The following PHF21B variants were observed in gnomAD, a reference collection of about 807,000 sequenced individuals.
The protein encoded by PHF21B is PHD finger protein 4.
A neutral mutation model predicts 62.2 loss-of-function variants in PHF21B; 22 were observed. That is an observed-to-expected ratio of 0.35 (90% CI 0.25 to 0.51). The LOEUF (loss-of-function observed/expected upper bound fraction) is 0.51. Among genes scored for constraint, PHF21B ranks in the 20% least tolerant of loss-of-function variants. The pLI is 0.97. For synonymous variants in PHF21B, 341 were observed against 314.7 expected (o/e 1.08, Z -0.88); for missense variants, 701 against 707.9 (o/e 0.99, Z 0.11).
intron 5 of PHF21B, among the ~76,000 whole-genome samples, chr22:44,908,464 C>T (rs1340426144): frequency 6.6e-6 from 1 of 152,134 alleles, no homozygotes; most frequent in Non-Finnish European, 1.5e-5. Flanking sequence ...GCATGGGTCA[C>T]TCTGGGACAC....
At chr22:44,981,944 G>A (rs991986015) in intron 2 of PHF21B, among the ~76,000 whole-genome samples, 23 of 152,252 alleles carry the variant, frequency 1.5e-4, no homozygotes, top group African/African-American at 5.5e-4. Context: ...TGAGAAAGGG[G>A]CTCGTGCCAC....
chr22:45,002,626 C>T (rs2073240292), intron 2 of PHF21B, among the ~76,000 whole-genome samples: 1 of 152,220 alleles, frequency 6.6e-6, no homozygotes, highest in Admixed American at 6.5e-5. Context: ...CTTGGGGAAC[C>T]CAGGCATCCT....
intron 2 of PHF21B, among the ~76,000 whole-genome samples, chr22:44,999,692 C>A (rs1016607260): frequency 2.6e-5 from 4 of 152,144 alleles, no homozygotes; most frequent in African/African-American, 9.7e-5. Flanking sequence ...TCTCCCCCTA[C>A]ACGTGCCAGT....
At chr22:44,901,170 G>C (rs1051531214) in intron 5 of PHF21B, among the ~76,000 whole-genome samples, 2 of 152,204 alleles carry the variant, frequency 1.3e-5, no homozygotes, top group African/African-American at 4.8e-5. Flanking sequence ...GCAGTCTGGT[G>C]CCACCTGGTT....
In PHF21B at chr22:45,000,486, G is replaced by A. The variant is rs149921725; in HGVS notation, c.120+8059C>T. On this transcript the variant is annotated intron_variant, in intron 2 of 12. Transcript: ENST00000313237. ...CGGTTCCTGAAGAGACAAAGGCGTT[G>A]GAGGAAAAACTTGGTAAATCACAAG... 136 of 152,296 alleles carry A rather than the reference G, an allele frequency of 8.9e-4. 1 individual carries two copies. The highest frequency in any genetic ancestry group is 3.1e-3 in the African/African-American group (127 of 41,562). 9.4% of individuals were successfully genotyped at this position (152,296 alleles called of 1,614,324 possible).
At chr22:44,897,514 A>G (rs1297722593) in intron 5 of PHF21B, among the ~76,000 whole-genome samples, 1 of 152,160 alleles carries the variant, frequency 6.6e-6, no homozygotes, top group East Asian at 1.9e-4. Context: ...ACCACGCTGT[A>G]GGAAGAACAA....
chr22:44,958,135 T>C (rs959978170), intron 2 of PHF21B, among the ~76,000 whole-genome samples: 1 of 152,172 alleles, frequency 6.6e-6, no homozygotes. Context: ...ACTCCCGACC[T>C]CAGGTGATCT....
intron 2 of PHF21B, among the ~76,000 whole-genome samples, chr22:44,972,141 C>G (rs893555531): frequency 2.8e-4 from 42 of 152,252 alleles, no homozygotes; most frequent in Non-Finnish European, 2.9e-5. Flanking sequence ...CAGTAGAAAA[C>G]ATGAATGAGA....
chr22:44,924,540 GA>G (rs1249174854), intron 2 of PHF21B, among the ~76,000 whole-genome samples: 2 of 152,172 alleles, frequency 1.3e-5, no homozygotes, highest in East Asian at 1.9e-4. Flanking sequence ...GAAGAGACAC[GA>G]GGGAGTTTGT....
At chr22:44,910,028 T>C (rs904249892) in intron 5 of PHF21B, among the ~76,000 whole-genome samples, 5 of 152,182 alleles carry the variant, frequency 3.3e-5, no homozygotes, top group Non-Finnish European at 7.3e-5. Flanking sequence ...CATCCTGATG[T>C]CCCTAGCCTT....
intron 6 of PHF21B, among the ~76,000 whole-genome samples, chr22:44,894,649 T>C (rs1441672861): frequency 1.3e-5 from 2 of 152,198 alleles, no homozygotes; most frequent in Non-Finnish European, 2.9e-5. Flanking sequence ...CTTCCAACCA[T>C]GCACGCAGAA....
At chr22:44,991,943 A>C (rs536165635) in intron 2 of PHF21B, among the ~76,000 whole-genome samples, 2 of 152,340 alleles carry the variant, frequency 1.3e-5, no homozygotes, top group South Asian at 4.1e-4. Context: ...CAGCTTTTTT[A>C]ATGAAGCTGT....
At chr22:44,943,641 T>A (rs1297668930) in intron 2 of PHF21B, among the ~76,000 whole-genome samples, 1 of 152,114 alleles carries the variant, frequency 6.6e-6, no homozygotes, top group Non-Finnish European at 1.5e-5. Flanking sequence ...TCCCACCCCC[T>A]TTGTAAAGCA....
At chr22:44,917,741 C>G (rs1158644360) in intron 3 of PHF21B, among the ~76,000 whole-genome samples, 1 of 152,254 alleles carries the variant, frequency 6.6e-6, no homozygotes. Flanking sequence ...CGCCCATCTC[C>G]TCCCACCCTG....
intron 2 of PHF21B, among the ~76,000 whole-genome samples, chr22:44,983,378 G>T (rs1874992973): frequency 6.6e-6 from 1 of 152,168 alleles, no homozygotes; most frequent in Admixed American, 6.5e-5. Flanking sequence ...TCTTAGGGAG[G>T]TCCAGCTGTC....
rs199995940 is a variant in PHF21B at position 44,975,015 on chromosome 22, GTC to G, written c.120+33528_120+33529del. ...AGAATCCTCAGACATCCTCCTGTCG[GTC>G]TCTGTCTCTCCTCCAGCATGGAGCC... On this transcript the variant is annotated intron_variant, in intron 2 of 12. Coordinates refer to ENST00000313237, the MANE Select transcript of PHF21B (RefSeq NM_138415.5). 7.4e-3 allele frequency among the ~76,000 whole-genome samples: 1,128 copies of G among 152,250 alleles called. 8 individuals carry two copies. The highest frequency in any genetic ancestry group is 0.02 in the Middle Eastern group (6 of 294).
intron 5 of PHF21B, among the ~76,000 whole-genome samples, chr22:44,906,503 G>T (rs1415618102): frequency 6.6e-6 from 1 of 152,214 alleles, no homozygotes; most frequent in Non-Finnish European, 1.5e-5. Flanking sequence ...ACTGCCCTTT[G>T]CAGGGCGTGT....
chr22:44,958,236 T>C, intron 2 of PHF21B, among the ~76,000 whole-genome samples: 1 of 152,080 alleles, frequency 6.6e-6, no homozygotes, highest in East Asian at 1.9e-4. Flanking sequence ...ACGACTCTGC[T>C]GGCTTCTGGC....
intron 2 of PHF21B, among the ~76,000 whole-genome samples, chr22:44,950,615 T>C (rs73426664): frequency 0.014 from 2,134 of 152,294 alleles, 62 homozygotes; most frequent in African/African-American, 0.049. Flanking sequence ...GGTTTGTCTT[T>C]TAATGCAAGG....
Sources: allele counts gnomAD v4.1 joint callset (sites outside exome capture counted in the v4.1 genomes callset), GRCh38; gene constraint gnomAD v4.1.1; transcripts MANE v1.5; gene names NCBI Gene and HGNC (gene_info 2026-07-23, HGNC 2026-07-21).